The following RCAN2 variants were observed in gnomAD, a reference collection of about 807,000 sequenced individuals.
RCAN2 encodes the protein calcipressin-2.
In RCAN2, 9 loss-of-function variants were observed where a neutral mutation model predicts 23.6. That is an observed-to-expected ratio of 0.38 (90% CI 0.23 to 0.67). The LOEUF (loss-of-function observed/expected upper bound fraction) is 0.67. Ranked by LOEUF, RCAN2 falls within the 30% of genes least tolerant of loss-of-function variation. The pLI, the probability that RCAN2 is intolerant of heterozygous loss-of-function variation, is 0.51. For missense variants in RCAN2, 273 were observed against 302.3 expected, an observed-to-expected ratio of 0.90 and a Z score of 0.72; for synonymous variants, 109 against 115.7, an observed-to-expected ratio of 0.94 and a Z score of 0.37.
At chr6:46,255,491 T>C (rs1766877367) in intron 2 of RCAN2, among the ~76,000 whole-genome samples, 1 of 152,106 alleles carries the variant, frequency 6.6e-6, no homozygotes, top group East Asian at 1.9e-4. Flanking sequence ...GACAAAAAAA[T>C]TGTAAACCCA....
At chr6:46,354,189 A>G (rs1051892335) in intron 2 of RCAN2, among the ~76,000 whole-genome samples, 4 of 145,602 alleles carry the variant, frequency 2.7e-5, no homozygotes, top group Non-Finnish European at 6.0e-5. Context: ...GTACATGTGT[A>G]TGGTGTGTTA....
intron 4 of RCAN2, among the ~76,000 whole-genome samples, chr6:46,244,226 G>A (rs535752118): frequency 1.6e-4 from 24 of 152,286 alleles, no homozygotes; most frequent in African/African-American, 5.8e-4. Context: ...TAACATTATT[G>A]ATAAGTTATT....
intron 2 of RCAN2, among the ~76,000 whole-genome samples, chr6:46,343,795 T>C (rs958449781): frequency 3.9e-5 from 6 of 152,230 alleles, no homozygotes; most frequent in Non-Finnish European, 7.3e-5. Context: ...CAAAAGCTTG[T>C]TTTTAAATGT....
At chr6:46,358,260 A>G (rs1450327296) in intron 2 of RCAN2, among the ~76,000 whole-genome samples, 1 of 152,186 alleles carries the variant, frequency 6.6e-6, no homozygotes. Context: ...AATTTATCAA[A>G]TCAATGAAAA....
intron 2 of RCAN2, among the ~76,000 whole-genome samples, chr6:46,308,397 C>T (rs567552328): frequency 6.6e-6 from 1 of 152,152 alleles, no homozygotes; most frequent in South Asian, 2.1e-4. Context: ...TTCTCTTAGA[C>T]AAATTGGTTT....
At chr6:46,262,847 C>T (rs1467783941) in intron 2 of RCAN2, among the ~76,000 whole-genome samples, 2 of 152,296 alleles carry the variant, frequency 1.3e-5, no homozygotes. Context: ...TTCTCATTTG[C>T]CCTTTCTTCC....
At chr6:46,266,140 C>A (rs142834588) in intron 2 of RCAN2, among the ~76,000 whole-genome samples, 12 of 152,216 alleles carry the variant, frequency 7.9e-5, no homozygotes, top group South Asian at 6.2e-4. Context: ...TAATCAGTAG[C>A]CCATTGAAGT....
intron 2 of RCAN2, among the ~76,000 whole-genome samples, chr6:46,371,400 T>C (rs965158602): frequency 2.6e-5 from 4 of 152,256 alleles, no homozygotes; most frequent in Non-Finnish European, 4.4e-5. Flanking sequence ...CCTATGCCTC[T>C]GGGTCAGGCT....
chr6:46,356,092 C>T (rs1342122029), intron 2 of RCAN2, among the ~76,000 whole-genome samples: 1 of 152,178 alleles, frequency 6.6e-6, no homozygotes, highest in Non-Finnish European at 1.5e-5. Context: ...CAAGAAAAGA[C>T]TCATGTGGTG....
intron 2 of RCAN2, among the ~76,000 whole-genome samples, chr6:46,346,975 A>G (rs1227042478): frequency 6.6e-6 from 1 of 152,074 alleles, no homozygotes; most frequent in Non-Finnish European, 1.5e-5. Context: ...TCCCAGGTTC[A>G]TGCCATTCTC....
At chr6:46,297,444 A>C (rs1762758832) in intron 2 of RCAN2, among the ~76,000 whole-genome samples, 1 of 152,058 alleles carries the variant, frequency 6.6e-6, no homozygotes, top group Non-Finnish European at 1.5e-5. Flanking sequence ...GTGCTAACCC[A>C]CCTGAATCCT....
At position 46,223,897 on chromosome 6, in the gene RCAN2, G is replaced by C. The variant is rs192559357; in HGVS notation, c.572-596C>G. Reference sequence around the variant, plus strand: ...GACTGGCTCATATTACAGTCAAATGGCTGTTAGCTGACTGGCTTTCTGTCT... The same window carrying C: ...GACTGGCTCATATTACAGTCAAATGCCTGTTAGCTGACTGGCTTTCTGTCT... On this transcript the variant is annotated intron_variant, in intron 4 of 4. Transcript: ENST00000371374. Among the ~76,000 whole-genome samples the C allele has an allele frequency of 5.3e-5, 8 of 152,290 alleles. No individual in the cohort carries two copies. The East Asian group carries it at 1.5e-3, about 29-fold the overall frequency.
At chr6:46,373,225 G>A (rs1765368160) in intron 2 of RCAN2, among the ~76,000 whole-genome samples, 1 of 152,132 alleles carries the variant, frequency 6.6e-6, no homozygotes, top group East Asian at 1.9e-4. Flanking sequence ...AAACATAAAT[G>A]TGAGAATCTC....
chr6:46,421,036 G>A (rs923368983), intron 2 of RCAN2, among the ~76,000 whole-genome samples: 1 of 152,158 alleles, frequency 6.6e-6, no homozygotes, highest in African/African-American at 2.4e-5. Flanking sequence ...AGGATATTCA[G>A]TAAGTTCCAG....
intron 2 of RCAN2, among the ~76,000 whole-genome samples, chr6:46,416,939 CA>C (rs1403842693): frequency 6.6e-6 from 1 of 151,998 alleles, no homozygotes; most frequent in Non-Finnish European, 1.5e-5. Context: ...AATTTTTGTC[CA>C]AAAAATTCAA....
rs5875967 is a variant in RCAN2, at chr6:46,464,913, C to CA, written c.-2-7936dup. On this transcript the variant is annotated intron_variant, in intron 1 of 4. Transcript: ENST00000371374. ...GCAGCTTATGAATTTTTATGAAGTG[C>CA]AAAAAAAAAAAAAAGCAAGTTGTTT... Among the ~76,000 whole-genome samples, 1,290 of 139,898 alleles carry CA rather than the reference C, an allele frequency of 9.2e-3. 12 individuals are homozygous for CA. The highest frequency in any genetic ancestry group is 0.04 in the South Asian group (180 of 4,448). 91.8% of individuals were successfully genotyped at this position (139,898 alleles called of 152,430 possible). A position where few individuals can be genotyped will look rare whatever the true frequency, so the allele number is the denominator to read the frequency against.
chr6:46,272,275 G>T (rs909886618), intron 2 of RCAN2, among the ~76,000 whole-genome samples: 5 of 152,246 alleles, frequency 3.3e-5, no homozygotes, highest in Admixed American at 1.3e-4. Flanking sequence ...GTTAAATATG[G>T]GTTACACCCT....
intron 2 of RCAN2, among the ~76,000 whole-genome samples, chr6:46,372,176 A>G (rs1414421761): frequency 2.0e-5 from 3 of 152,200 alleles, no homozygotes; most frequent in Admixed American, 1.3e-4. Context: ...CATGGAAAAG[A>G]CAAAAGGCTG....
At chr6:46,392,187 G>T (rs1765956738) in intron 2 of RCAN2, among the ~76,000 whole-genome samples, 1 of 152,126 alleles carries the variant, frequency 6.6e-6, no homozygotes, top group Admixed American at 6.6e-5. Flanking sequence ...GTTGACCATG[G>T]CCAAGCCCAT....
Sources: gnomAD v4.1 joint callset for allele counts (sites outside exome capture counted in the v4.1 genomes callset) on GRCh38, gnomAD v4.1.1 for gene constraint, MANE v1.5 for transcripts, NCBI Gene and HGNC (gene_info 2026-07-23, HGNC 2026-07-21) for gene names.